Variants in TMEM106A observed in about 807,000 individuals in gnomAD.
TMEM106A encodes the protein transmembrane protein 106A.
TMEM106A carries 22 observed loss-of-function variants against 25.1 expected under a neutral mutation model. The observed-to-expected ratio is 0.88, with a 90% CI of 0.63 to 1.25. The LOEUF is 1.25. Ranked by LOEUF, TMEM106A falls within the 50% of genes most tolerant of loss-of-function variation. The probability of loss-of-function intolerance (pLI) is 0.00; values close to 1 mark genes in which losing one functional copy is unlikely to be tolerated. For missense variants in TMEM106A, 275 were observed against 318.1 expected, an observed-to-expected ratio of 0.86 and a Z score of 1.03; for synonymous variants, 104 against 129.9, an observed-to-expected ratio of 0.80 and a Z score of 1.35.
intron 8 of TMEM106A, 108 bp from the exon 9 acceptor site, chr17:43,217,573 G>A: frequency 1.3e-6 from 2 of 1,533,940 alleles, no homozygotes; most frequent in Non-Finnish European, 1.7e-6. Flanking sequence ...GGAGCCAGAG[G>A]GAAGGGCAAA....
chr17:43,215,835 CCTT>C lies in TMEM106A; in HGVS notation c.325_327del (p.Phe109del). On this transcript the variant is annotated inframe_deletion, in exon 5 of 9. Transcript: ENST00000612339. Reference sequence around the variant, plus strand: ...GTGCTCATCTGCCTGGTGACCTCCTCCTTCATCGTCTTTTTCCTGTTTCCCCGG... The same window carrying C: ...GTGCTCATCTGCCTGGTGACCTCCTCCATCGTCTTTTTCCTGTTTCCCCGG... 6.2e-7 allele frequency: 1 copy of C among 1,614,138 alleles called. No homozygotes were observed. The highest frequency in any genetic ancestry group is 8.5e-7 in the Non-Finnish European group (1 of 1,180,034).
intron 2 of TMEM106A, 92 bp from the exon 3 acceptor site, chr17:43,212,929 G>A (rs1401515706): frequency 2.2e-6 from 2 of 929,002 alleles, no homozygotes; most frequent in East Asian, 2.6e-5. Context: ...CTGTGGTGAA[G>A]CTCCTTGCCA....
chr17:43,213,230 G>C lies in TMEM106A; in HGVS notation c.189G>C (p.Gln63His). 6.2e-7 allele frequency: 1 copy of C among 1,614,216 alleles called. No individual in the cohort carries two copies. Among genetic ancestry groups the C allele is most frequent in the East Asian group, 2.2e-5 (1 of 44,888 alleles). Residue 63 changes from glutamine (Q) to histidine (H), a missense_variant, in exon 3 of 9, where the codon CAG (glutamine) becomes CAC (histidine). By Grantham distance (24) the Gln-to-His change is conservative. Transcript: ENST00000612339. ...DASFVTCPTCQGSGKIPQELE... is the reference protein window; with the variant it reads ...DASFVTCPTCHGSGKIPQELE... ...GCTTCGTGACTTGTCCCACCTGCCAGGGCAGTGGCAAGATTCCCCAAGGTG... is the reference window on the plus strand; with the variant it reads ...GCTTCGTGACTTGTCCCACCTGCCACGGCAGTGGCAAGATTCCCCAAGGTG...
intron 8 of TMEM106A, 26 bp from the exon 9 acceptor site, chr17:43,217,655 G>T (rs2057499075): frequency 6.2e-7 from 1 of 1,613,748 alleles, no homozygotes; most frequent in South Asian, 1.1e-5. Flanking sequence ...TCCCAGCCAT[G>T]GCAACAAGGC....
intron 4 of TMEM106A, among the ~76,000 whole-genome samples, chr17:43,214,206 GAAAA>G (rs1169930576): frequency 2.0e-4 from 26 of 127,260 alleles, no homozygotes; most frequent in Non-Finnish European, 3.8e-4. Flanking sequence ...AAAAAAAAAA[GAAAA>G]AAAAAAAGAA....
In TMEM106A at chr17:43,216,477, A is replaced by C. The variant is rs763936593; in HGVS notation, c.458A>C (p.Tyr153Ser). The change falls in exon 6 of 9, where the codon TAC becomes TCC. Residue 153 changes from tyrosine to serine, a missense_variant. Transcript: ENST00000612339. Reference sequence around the variant, plus strand: ...ATCTTAAACATCTCCAATGGCAACTACTACCCCATTATGGTGACACAGCTG... The same window carrying C: ...ATCTTAAACATCTCCAATGGCAACTCCTACCCCATTATGGTGACACAGCTG... ...TNILNISNGNYYPIMVTQLTL... is the reference protein window; with the variant it reads ...TNILNISNGNSYPIMVTQLTL... The C allele has an allele frequency of 3.1e-6, 5 of 1,614,184 alleles. No homozygotes were observed. Among genetic ancestry groups the C allele is most frequent in the Middle Eastern group, 1.6e-4 (1 of 6,062 alleles).
Position 43,219,215 on chromosome 17 carries a change from C to T in TMEM106A, c.*1414C>T, listed in dbSNP as rs982259405. 6.6e-5 allele frequency: 10 copies of T among 152,136 alleles called. No homozygotes were observed. Among genetic ancestry groups the T allele is most frequent in the African/African-American group, 2.4e-4 (10 of 41,428 alleles). The allele number at this position is 152,136 out of a possible 1,614,324, so 9.4% of individuals were successfully genotyped here. A position where few individuals can be genotyped will look rare whatever the true frequency, so the allele number is the denominator to read the frequency against. Reference sequence around the variant, plus strand: ...AGCTGAAGGCTGCTGGGTTCTGTTCCACCACCACCTTAGCACCAGGGCCCT... The same window carrying T: ...AGCTGAAGGCTGCTGGGTTCTGTTCTACCACCACCTTAGCACCAGGGCCCT... On this transcript the variant is annotated 3_prime_UTR_variant, in exon 9 of 9. Coordinates refer to ENST00000612339, the MANE Select transcript of TMEM106A (RefSeq NM_145041.4).
intron 5 of TMEM106A, 40 bp from the exon 6 acceptor site, chr17:43,216,409 G>A: frequency 6.2e-7 from 1 of 1,605,260 alleles, no homozygotes; most frequent in Non-Finnish European, 8.5e-7. Flanking sequence ...CCTAAGGATG[G>A]GCCATCTTCA....
In TMEM106A at chr17:43,219,504, TGA is replaced by T. The variant is rs1290169108; in HGVS notation, c.*1707_*1708del. On this transcript the variant is annotated 3_prime_UTR_variant, in exon 9 of 9. Coordinates refer to ENST00000612339, the MANE Select transcript of TMEM106A (RefSeq NM_145041.4). ...GTCCCAGCTACTCAGGAAGCTGAGG[TGA>T]GAGGATCTCTAGAGCCCAGGAATTC... 5 of 151,556 alleles carry T rather than the reference TGA, an allele frequency of 3.3e-5. No homozygotes were observed. The highest frequency in any genetic ancestry group is 7.4e-5 in the Non-Finnish European group (5 of 67,948). The allele number at this position is 151,556 out of a possible 1,614,324, so 9.4% of individuals were successfully genotyped here.
chr17:43,218,318 T>A lies in TMEM106A; in HGVS notation c.*517T>A, dbSNP rs34210004. ...TCACCCCAGCTCCATCAGGGCTGGC[T>A]GTCCCGTCTGAATGTGGAGAGAGCT... On this transcript the variant is annotated 3_prime_UTR_variant, in exon 9 of 9. Transcript: ENST00000612339. 76,500 of 156,092 alleles carry A rather than the reference T, an allele frequency of 0.49. 22,674 individuals are homozygous for A. Among genetic ancestry groups the A allele is most frequent in the Non-Finnish European group, 0.65 (45,928 of 70,672 alleles). 9.7% of individuals were successfully genotyped at this position (156,092 alleles called of 1,614,324 possible). A position where few individuals can be genotyped will look rare whatever the true frequency, so the allele number is the denominator to read the frequency against.
chr17:43,213,974 T>G, intron 4 of TMEM106A, 83 bp downstream of exon 4: 2 of 1,407,522 alleles, frequency 1.4e-6, no homozygotes, highest in South Asian at 1.2e-5. Flanking sequence ...TGATCTCCCT[T>G]AATTTCTTCC....
At chr17:43,214,548 T>C (rs2057467083) in intron 4 of TMEM106A, among the ~76,000 whole-genome samples, 1 of 152,238 alleles carries the variant, frequency 6.6e-6, no homozygotes, top group Non-Finnish European at 1.5e-5. Flanking sequence ...TGGGGCCTAC[T>C]GTGTTTGTGA....
At chr17:43,212,947 G>C (rs985097170) in intron 2 of TMEM106A, 74 bp from the exon 3 acceptor site, 1 of 1,212,932 alleles carries the variant, frequency 8.2e-7, no homozygotes, top group Non-Finnish European at 1.2e-6. Context: ...CCAGTCTTGA[G>C]AACTTCAAAC....
intron 3 of TMEM106A, 47 bp downstream of exon 3, chr17:43,213,299 TCTTAGC>T (rs1390828215): frequency 1.2e-6 from 2 of 1,605,238 alleles, no homozygotes; most frequent in Admixed American, 3.3e-5. Context: ...CAGGGAAAGT[TCTTAGC>T]CTGTTGGCCT....
rs2057487238 is a variant in TMEM106A at position 43,216,499 on chromosome 17, G to A, written c.480G>A (p.Gln160=). 1 of 1,614,094 alleles carries A rather than the reference G, an allele frequency of 6.2e-7. No individual in the cohort carries two copies. The highest frequency in any genetic ancestry group is 1.7e-5 in the Admixed American group (1 of 59,998). ...NGNYYPIMVT[Q]LTLEVLHLSL... Reference sequence around the variant, plus strand: ...ACTACTACCCCATTATGGTGACACAGCTGACCCTCGAGGTTCTGCACCTGT... The same window carrying A: ...ACTACTACCCCATTATGGTGACACAACTGACCCTCGAGGTTCTGCACCTGT... Residue 160 remains glutamine, a synonymous_variant, in exon 6 of 9, where the codon CAG becomes CAA. Transcript: ENST00000612339.
In TMEM106A at chr17:43,219,981, C is replaced by T. The variant is rs1192543970; in HGVS notation, c.*2180C>T. ...CCAGGCTGGAGCTGCTGTGTATAGA[C>T]TGCCAAATGTGAAGTATTTATATTG... On this transcript the variant is annotated 3_prime_UTR_variant, in exon 9 of 9. Transcript: ENST00000612339. 1 of 152,074 alleles carries T rather than the reference C, an allele frequency of 6.6e-6. No homozygotes were observed. The highest frequency in any genetic ancestry group is 2.4e-5 in the African/African-American group (1 of 41,354). 9.4% of individuals were successfully genotyped at this position (152,074 alleles called of 1,614,324 possible).
At chr17:43,216,795 A>G (rs372533354) in intron 7 of TMEM106A, 55 bp downstream of exon 7, 80 of 1,606,558 alleles carry the variant, frequency 5.0e-5, no homozygotes, top group Non-Finnish European at 6.3e-5. Context: ...TAGGGACCCA[A>G]TTAATACCCA....
chr17:43,216,892 G>C (rs984088638), intron 7 of TMEM106A, 152 bp downstream of exon 7: 1 of 999,714 alleles, frequency 1.0e-6, no homozygotes, highest in South Asian at 1.4e-5. Context: ...AAGGGTTCAG[G>C]GTCCCCAGCC....
Position 43,213,248 on chromosome 17 carries a change from C to T in TMEM106A, c.207C>T (p.Pro69=), listed in dbSNP as rs377172388. The T allele has an allele frequency of 8.1e-6, 13 of 1,614,004 alleles. No homozygotes were observed. Among genetic ancestry groups the T allele is most frequent in the Non-Finnish European group, 1.0e-5 (12 of 1,180,028 alleles). Residue 69 remains proline, a synonymous_variant, in exon 3 of 9, where the codon CCC becomes CCT. Coordinates refer to ENST00000612339, the MANE Select transcript of TMEM106A (RefSeq NM_145041.4). ...CCTGCCAGGGCAGTGGCAAGATTCC[C>T]CAAGGTGAGTGGCCCAAGGCTCTGG... ...CPTCQGSGKI[P]QELEKQLVAL...
Sources: gnomAD v4.1 joint callset for allele counts (sites outside exome capture counted in the v4.1 genomes callset) on GRCh38, gnomAD v4.1.1 for gene constraint, MANE v1.5 for transcripts, NCBI Gene and HGNC (gene_info 2026-07-23, HGNC 2026-07-21) for gene names.